The following ADK variants were observed in gnomAD, a reference collection of about 807,000 sequenced individuals.
ADK encodes adenosine kinase.
ADK carries 24 observed loss-of-function variants against 44.7 expected under a neutral mutation model. The observed-to-expected ratio is 0.54, with a 90% CI of 0.39 to 0.76. The LOEUF is 0.76. Among genes scored for constraint, ADK ranks in the 30% least tolerant of loss-of-function variants. The pLI is 0.00. For missense variants in ADK, 321 were observed against 425.1 expected (o/e 0.76, Z 2.15); for synonymous variants, 128 against 142.6 (o/e 0.90, Z 0.73).
At chr10:74,668,553 A>G (rs768261345) in intron 9 of ADK, among the ~76,000 whole-genome samples, 9 of 152,174 alleles carry the variant, frequency 5.9e-5, no homozygotes, top group Non-Finnish European at 1.3e-4. Context: ...CCTGGCCAAC[A>G]TGGCAAAACC....
chr10:74,604,047 C>T (rs112013997), intron 9 of ADK, among the ~76,000 whole-genome samples: 3,286 of 152,134 alleles, frequency 0.022, 133 homozygotes, highest in African/African-American at 0.075. Flanking sequence ...ATAAATATCT[C>T]CTTTTGAGAA....
intron 3 of ADK, among the ~76,000 whole-genome samples, chr10:74,240,334 G>A (rs988046084): frequency 1.5e-4 from 23 of 151,606 alleles, no homozygotes; most frequent in African/African-American, 5.6e-4. Context: ...TTCCTGGGAA[G>A]TAGGTATTTG....
intron 7 of ADK, among the ~76,000 whole-genome samples, chr10:74,578,477 G>A (rs1470334695): frequency 1.3e-5 from 2 of 152,122 alleles, no homozygotes; most frequent in Non-Finnish European, 2.9e-5. Context: ...TATGGTCTCT[G>A]TTAAGCTACT....
At chr10:74,620,801 C>T (rs957225878) in intron 9 of ADK, among the ~76,000 whole-genome samples, 4 of 151,924 alleles carry the variant, frequency 2.6e-5, no homozygotes, top group African/African-American at 9.7e-5. Flanking sequence ...TGATAATGAG[C>T]TTTTTTCCCA....
At chr10:74,687,550 A>G (rs187762055) in intron 10 of ADK, among the ~76,000 whole-genome samples, 51 of 152,336 alleles carry the variant, frequency 3.3e-4, no homozygotes, top group Admixed American at 2.9e-3. Flanking sequence ...TAAAAGGGTA[A>G]TACGTGGATG....
chr10:74,179,775 C>A (rs530986355), intron 1 of ADK, among the ~76,000 whole-genome samples: 1 of 152,212 alleles, frequency 6.6e-6, no homozygotes, highest in Non-Finnish European at 1.5e-5. Context: ...AGCCCATACC[C>A]GTGCTCTGTC....
At position 74,417,705 on chromosome 10, in the gene ADK, G is replaced by A. The variant is rs530246094; in HGVS notation, c.555+19126G>A. Among the ~76,000 whole-genome samples, 4 of 151,648 alleles carry A rather than the reference G, an allele frequency of 2.6e-5. No individual in the cohort carries two copies. The South Asian group carries it at 6.2e-4, about 24-fold the overall frequency. Reference sequence around the variant, plus strand: ...ATTTCCATAACTATCATTTCTGGGAGGTGGTAGGATTTCTAAGGCATGGAG... The same window carrying A: ...ATTTCCATAACTATCATTTCTGGGAAGTGGTAGGATTTCTAAGGCATGGAG... On this transcript the variant is annotated intron_variant, in intron 6 of 10. Transcript: ENST00000539909.
intron 4 of ADK, among the ~76,000 whole-genome samples, chr10:74,336,007 G>A (rs149611747): frequency 9.9e-5 from 15 of 152,230 alleles, no homozygotes; most frequent in African/African-American, 3.6e-4. Flanking sequence ...GTCTTTCAGT[G>A]AGCAGAAGTT....
At chr10:74,169,374 A>G (rs1009746513) in intron 1 of ADK, among the ~76,000 whole-genome samples, 2 of 152,206 alleles carry the variant, frequency 1.3e-5, no homozygotes, top group African/African-American at 4.8e-5. Context: ...GTTTAAAAAT[A>G]TGTTCTGTGC....
At chr10:74,443,580 A>G (rs1342347900) in intron 6 of ADK, among the ~76,000 whole-genome samples, 1 of 152,140 alleles carries the variant, frequency 6.6e-6, no homozygotes, top group Non-Finnish European at 1.5e-5. Flanking sequence ...TAGATACAGG[A>G]TTTCTTTGGG....
Position 74,708,657 on chromosome 10 carries a change from A to G in ADK, c.*212A>G, listed in dbSNP as rs1856689644. 2.1e-6 allele frequency: 1 copy of G among 478,792 alleles called. No homozygotes were observed. The highest frequency in any genetic ancestry group is 3.7e-6 in the Non-Finnish European group (1 of 270,386). 29.7% of individuals were successfully genotyped at this position (478,792 alleles called of 1,614,324 possible). The stretch of plus-strand genomic sequence containing the variant: ...AAATGATGTTTATTTCCATAGTTTG[A>G]TAGTGCCACTTAAATGCCAATTAAA... On this transcript the variant is annotated 3_prime_UTR_variant, in exon 11 of 11. Coordinates refer to ENST00000539909, the MANE Select transcript of ADK (RefSeq NM_006721.4).
At chr10:74,186,485 G>T (rs746653600) in intron 1 of ADK, among the ~76,000 whole-genome samples, 1 of 151,582 alleles carries the variant, frequency 6.6e-6, no homozygotes, top group Non-Finnish European at 1.5e-5. Context: ...GGGGAGTGGG[G>T]TGGGGGTGGG....
At chr10:74,470,981 C>G (rs1031911622) in intron 6 of ADK, among the ~76,000 whole-genome samples, 2 of 151,734 alleles carry the variant, frequency 1.3e-5, no homozygotes, top group African/African-American at 4.8e-5. Flanking sequence ...AGGTAAGGGT[C>G]TAACTTTATT....
At chr10:74,653,681 T>C (rs116257759) in intron 9 of ADK, among the ~76,000 whole-genome samples, 2,665 of 152,290 alleles carry the variant, frequency 0.017, 70 homozygotes, top group African/African-American at 0.061. Flanking sequence ...GCAAATGACT[T>C]AATAAAGAAA....
In ADK at chr10:74,398,156, G is replaced by T. The variant is rs1377531493; in HGVS notation, c.447-315G>T. Among the ~76,000 whole-genome samples the T allele has an allele frequency of 2.0e-5, 3 of 151,968 alleles. No homozygotes were observed. The South Asian group carries it at 6.2e-4, about 32-fold the overall frequency. ...AGATTTCTTTTTATATAATGAGTTA[G>T]CCTTATTTCTTAACTGCATTTTGAA... On this transcript the variant is annotated intron_variant, in intron 5 of 10. Coordinates refer to ENST00000539909, the MANE Select transcript of ADK (RefSeq NM_006721.4).
intron 4 of ADK, among the ~76,000 whole-genome samples, chr10:74,322,431 A>G (rs1239844457): frequency 6.6e-6 from 1 of 152,214 alleles, no homozygotes; most frequent in Non-Finnish European, 1.5e-5. Flanking sequence ...ATTTTAAGTA[A>G]CACAGGCCCT....
At chr10:74,707,750 T>G (rs1589386713) in intron 10 of ADK, among the ~76,000 whole-genome samples, 6 of 104,378 alleles carry the variant, frequency 5.7e-5, no homozygotes, top group African/African-American at 1.2e-4. Context: ...GCAACAAGAG[T>G]GGAACTCCAC....
intron 3 of ADK, among the ~76,000 whole-genome samples, chr10:74,264,414 C>T (rs2132384865): frequency 6.6e-6 from 1 of 152,242 alleles, no homozygotes; most frequent in Non-Finnish European, 1.5e-5. Context: ...TTTTCTTATA[C>T]ATGTGTTTAC....
chr10:74,302,091 T>G (rs28433006), intron 3 of ADK, among the ~76,000 whole-genome samples: 2,404 of 21,690 alleles, frequency 0.11, 143 homozygotes, highest in African/African-American at 0.28. Context: ...TTCTTTTCTG[T>G]TTTTTTTTTG....
Sources: gnomAD v4.1 joint callset for allele counts (sites outside exome capture counted in the v4.1 genomes callset) on GRCh38, gnomAD v4.1.1 for gene constraint, MANE v1.5 for transcripts, NCBI Gene and HGNC (gene_info 2026-07-23, HGNC 2026-07-21) for gene names.